The following DUSP9 variants were observed in gnomAD, a reference collection of about 807,000 sequenced individuals.
The protein encoded by DUSP9 is dual specificity protein phosphatase 9.
DUSP9 carries 4 observed loss-of-function variants against 13.2 expected under a neutral mutation model. The ratio of observed to expected loss-of-function variants is 0.30; its 90% CI spans 0.15 to 0.69. The LOEUF is 0.69. Ranked by LOEUF, DUSP9 falls within the 30% of genes least tolerant of loss-of-function variation. The pLI is 0.73. For synonymous variants in DUSP9, 166 were observed against 172.3 expected (o/e 0.96, Z 0.29); for missense variants, 263 against 355.0 (o/e 0.74, Z 2.08).
chrX:153,650,368 G>A lies in DUSP9; in HGVS notation c.*63G>A. 1.1e-5 allele frequency: 10 copies of A among 890,322 alleles called. No individual in the cohort carries two copies. The highest frequency in any genetic ancestry group is 1.5e-5 in the Non-Finnish European group (10 of 648,590). The allele number at this position is 890,322 out of a possible 1,213,427, so 73.4% of individuals were successfully genotyped here. Reference sequence around the variant, plus strand: ...CACCCACGGGTGTCCCTGCCCACTCGTGTGGCAAGGGAGGGGAGGGCAGGA... The same window carrying A: ...CACCCACGGGTGTCCCTGCCCACTCATGTGGCAAGGGAGGGGAGGGCAGGA... On this transcript the variant is annotated 3_prime_UTR_variant, in exon 4 of 4. Coordinates refer to ENST00000342782, the MANE Select transcript of DUSP9 (RefSeq NM_001318503.2).
chrX:153,642,516 G>A (rs1175078455), upstream of DUSP9: 1 of 112,959 alleles, frequency 8.9e-6, no homozygotes, highest in Non-Finnish European at 1.9e-5. Context: ...TTCCGGTGGC[G>A]TTAGGCTGCA....
upstream of DUSP9, chrX:153,643,456 A>T (rs1213970124): frequency 2.4e-5 from 8 of 340,142 alleles, no homozygotes; most frequent in Non-Finnish European, 4.7e-5. Flanking sequence ...CTCCCTAAAC[A>T]GACCTTGAGA....
At chrX:153,644,162 G>C (rs1486206300), upstream of DUSP9, among the ~76,000 whole-genome samples, 1 of 107,251 alleles carries the variant, frequency 9.3e-6, no homozygotes, top group East Asian at 3.0e-4. Context: ...GCGCGGCGCC[G>C]CTCTCGGGAG....
Position 153,650,317 on chromosome X carries a change from C to A in DUSP9, c.*12C>A. On this transcript the variant is annotated 3_prime_UTR_variant, in exon 4 of 4. Coordinates refer to ENST00000342782, the MANE Select transcript of DUSP9 (RefSeq NM_001318503.2). ...TGGCCCCCACCTAGGGCCCCGTGGC[C>A]GGCAGGCCGGCCCCTGCCCCACCCC... The A allele has an allele frequency of 8.9e-7, 1 of 1,125,434 alleles. No homozygotes were observed. The highest frequency in any genetic ancestry group is 1.2e-6 in the Non-Finnish European group (1 of 843,826). The allele number at this position is 1,125,434 out of a possible 1,213,427, so 92.7% of individuals were successfully genotyped here.
chrX:153,646,438 G>A (rs782697586), upstream of DUSP9, among the ~76,000 whole-genome samples: 4 of 112,186 alleles, frequency 3.6e-5, no homozygotes, highest in South Asian at 1.5e-3. Flanking sequence ...TGATGAATTT[G>A]AGCCCTCGGC....
chrX:153,649,530 C>T lies in DUSP9; in HGVS notation c.672C>T (p.Ser224=), dbSNP rs1557036122. 2 of 1,212,138 alleles carry T rather than the reference C, an allele frequency of 1.6e-6. No individual in the cohort carries two copies. The highest frequency in any genetic ancestry group is 3.5e-5 in the South Asian group (2 of 57,044). The stretch of plus-strand genomic sequence containing the variant: ...CCCGGGATTCCGCCAATTTGGAGAG[C>T]CTGGCCAAACTGGGCATCCGCTACA... ...GSARDSANLE[S]LAKLGIRYIL... Residue 224 remains serine, a synonymous_variant, in exon 3 of 4, where the codon AGC becomes AGT. Coordinates refer to ENST00000342782, the MANE Select transcript of DUSP9 (RefSeq NM_001318503.2).
chrX:153,649,748 C>G (rs2091205851), intron 3 of DUSP9, 61 bp downstream of exon 3: 12 of 1,001,841 alleles, frequency 1.2e-5, no homozygotes, highest in Middle Eastern at 6.7e-4. Flanking sequence ...TGGCCTCCCC[C>G]TTGTGAGTAC....
upstream of DUSP9, chrX:153,643,592 C>G: frequency 6.3e-6 from 2 of 318,375 alleles, no homozygotes; most frequent in Non-Finnish European, 1.2e-5. Flanking sequence ...GGAGAGAGCC[C>G]GGCGCTGAAA....
upstream of DUSP9, among the ~76,000 whole-genome samples, chrX:153,646,527 C>T (rs1323958430): frequency 9.0e-6 from 1 of 110,980 alleles, no homozygotes; most frequent in Non-Finnish European, 1.9e-5. Flanking sequence ...TTTGATTAGC[C>T]GAAGGGGGGT....
chrX:153,649,907 G>A, intron 3 of DUSP9, 73 bp from the exon 4 acceptor site: 1 of 1,110,000 alleles, frequency 9.0e-7, no homozygotes, highest in Non-Finnish European at 1.2e-6. Context: ...GGCCTTTGAG[G>A]GCCCTTCGGA....
In DUSP9 at chrX:153,649,720, C is replaced by G. The variant is rs200334921; in HGVS notation, c.829+33C>G. The stretch of plus-strand genomic sequence containing the variant: ...CACCCCACCCACCCTTCCCTCCTGT[C>G]CTCCCCAAGGCCTGCTCTGGCCTCC... On this transcript the variant is annotated intron_variant, in intron 3 of 3. Coordinates refer to ENST00000342782, the MANE Select transcript of DUSP9 (RefSeq NM_001318503.2). 2.7e-4 allele frequency: 250 copies of G among 941,529 alleles called. No individual in the cohort carries two copies. In the Middle Eastern group the frequency reaches 5.7e-3, roughly 21 times the overall value. 77.6% of individuals were successfully genotyped at this position (941,529 alleles called of 1,213,427 possible).
chrX:153,645,477 C>T (rs782606211), upstream of DUSP9, among the ~76,000 whole-genome samples: 1 of 113,037 alleles, frequency 8.8e-6, no homozygotes, highest in South Asian at 3.6e-4. Context: ...GCCCACTGCC[C>T]GAAAGGGAGG....
upstream of DUSP9, among the ~76,000 whole-genome samples, chrX:153,644,319 G>C (rs1190748515): frequency 1.0e-5 from 1 of 99,391 alleles, no homozygotes; most frequent in South Asian, 4.1e-4. Context: ...GGGGCGGCAG[G>C]CGCAGCGCCC....
upstream of DUSP9, chrX:153,643,517 T>C (rs782246595): frequency 5.8e-6 from 2 of 342,114 alleles, no homozygotes; most frequent in Admixed American, 3.1e-5. Context: ...GAAGGCACTT[T>C]GGGGTCCAAG....
Position 153,650,445 on chromosome X carries a change from C to T in DUSP9, c.*140C>T. On this transcript the variant is annotated 3_prime_UTR_variant, in exon 4 of 4. Coordinates refer to ENST00000342782, the MANE Select transcript of DUSP9 (RefSeq NM_001318503.2). ...GGGAGAGCGCAATACCTCACGCGGG[C>T]TGCCGTCCTAATCAACGTGCCTATG... is the stretch of plus-strand genomic sequence containing the variant. 2.1e-6 allele frequency: 1 copy of T among 469,763 alleles called. No homozygotes were observed. The highest frequency in any genetic ancestry group is 3.6e-6 in the Non-Finnish European group (1 of 278,988). The allele number at this position is 469,763 out of a possible 1,213,427, so 38.7% of individuals were successfully genotyped here.
upstream of DUSP9, among the ~76,000 whole-genome samples, chrX:153,644,029 G>T (rs190934999): frequency 3.6e-3 from 403 of 111,853 alleles, 2 homozygotes; most frequent in African/African-American, 0.012. Context: ...TGGTGGAAAA[G>T]ACACTGGATT....
intron 2 of DUSP9, among the ~76,000 whole-genome samples, chrX:153,648,787 A>G (rs1025881851): frequency 4.5e-5 from 5 of 112,260 alleles, no homozygotes; most frequent in Non-Finnish European, 9.4e-5. Flanking sequence ...CTGTAAATAG[A>G]GATGCTGGCT....
At position 153,650,265 on chromosome X, in the gene DUSP9, C is replaced by T. The variant is rs372379847; in HGVS notation, c.1115C>T (p.Thr372Ile). ...AASNPPSFFT[T>I]PTSDGAFELA... ...TCCAACCCGCCCTCCTTCTTCACCA[C>T]CCCCACCAGTGATGGCGCCTTCGAG... Residue 372 changes from threonine (T) to isoleucine (I), a missense_variant, in exon 4 of 4, where the codon ACC becomes ATC. Physicochemically the swap from Thr to Ile is moderately conservative, Grantham distance 89. Coordinates refer to ENST00000342782, the MANE Select transcript of DUSP9 (RefSeq NM_001318503.2). 8.3e-7 allele frequency: 1 copy of T among 1,205,931 alleles called. No homozygotes were observed.
At chrX:153,645,217 G>A (rs1487797563), upstream of DUSP9, among the ~76,000 whole-genome samples, 5 of 113,078 alleles carry the variant, frequency 4.4e-5, no homozygotes, top group Admixed American at 4.6e-4. Context: ...GGAGACTACT[G>A]GCTCCGAGTT....
Sources: gnomAD v4.1 joint callset for allele counts (sites outside exome capture counted in the v4.1 genomes callset) on GRCh38, gnomAD v4.1.1 for gene constraint, MANE v1.5 for transcripts, NCBI Gene and HGNC (gene_info 2026-07-23, HGNC 2026-07-21) for gene names.